The following RUVBL2 variants were observed in gnomAD, a reference collection of about 807,000 sequenced individuals.
The protein encoded by RUVBL2 is ruvB-like 2.
Under a neutral mutation model 57.9 loss-of-function variants are expected in RUVBL2, and 9 were observed. That is an observed-to-expected ratio of 0.16 (90% CI 0.09 to 0.27). RUVBL2 has a LOEUF of 0.27. RUVBL2 is among the 10% of genes least tolerant of loss of function. RUVBL2 has a pLI of 1.00. For synonymous variants in RUVBL2, 278 were observed against 264.6 expected (o/e 1.05, Z -0.49); for missense variants, 456 against 669.6 (o/e 0.68, Z 3.52).
At position 49,014,841 on chromosome 19, in the gene RUVBL2, G is replaced by A. The variant is rs537460475; in HGVS notation, c.1122-180G>A. On this transcript the variant is annotated intron_variant, in intron 12 of 14. Transcript: ENST00000595090. ...GCCCTGGGGGTGGTCAGGAGGCCTC[G>A]GTTTTAGGTCCAGCCCAGCCCCTGT... Among the ~76,000 whole-genome samples the A allele has an allele frequency of 7.9e-5, 12 of 152,294 alleles. No individual in the cohort carries two copies. The East Asian group carries it at 1.4e-3, about 17-fold the overall frequency.
intron 6 of RUVBL2, among the ~76,000 whole-genome samples, chr19:49,008,431 G>A (rs1006582585): frequency 3.3e-5 from 5 of 149,556 alleles, no homozygotes; most frequent in Non-Finnish European, 7.5e-5. Context: ...TAGTAGAGAC[G>A]GGGTTTCACT....
At chr19:49,006,528 G>T (rs2039284242) in intron 4 of RUVBL2, among the ~76,000 whole-genome samples, 1 of 152,224 alleles carries the variant, frequency 6.6e-6, no homozygotes, top group African/African-American at 2.4e-5. Flanking sequence ...TTAGACAGAG[G>T]GGGAGACTGA....
At chr19:48,993,491 G>C, upstream of RUVBL2, 1 of 428,298 alleles carries the variant, frequency 2.3e-6, no homozygotes. Context: ...AGGGGGCGGA[G>C]CTTGCCGCTG....
At position 49,011,001 on chromosome 19, in the gene RUVBL2, G is replaced by T; in HGVS notation, c.790G>T (p.Asp264Tyr). Residue 264 changes from aspartate (D) to tyrosine (Y), a missense_variant and splice_region_variant, in exon 10 of 15, where the codon GAC becomes TAC. Physicochemically the swap from Asp to Tyr is radical, Grantham distance 160 (BLOSUM62 -3). This residue lies in a region of RUVBL2 where 130 missense variants were observed against 243.0 expected (regional missense o/e 0.53). Coordinates refer to ENST00000595090, the MANE Select transcript of RUVBL2 (RefSeq NM_006666.3). This position sits in a 1 kb window ranked among gnomAD's most constrained non-coding sequence, Gnocchi z 4.4. The part of the protein sequence containing the change: ...TQGFLALFSG[D>Y]TGEIKSEVRE... ...GATGCAACCTGTGCCTCCCATAGGT[G>T]ACACAGGGGAGATCAAGTCAGAAGT... The T allele has an allele frequency of 6.2e-7, 1 of 1,611,634 alleles. No homozygotes were observed. Among genetic ancestry groups the T allele is most frequent in the South Asian group, 1.1e-5 (1 of 90,048 alleles).
chr19:48,996,100 A>G (rs1226336054), intron 1 of RUVBL2, among the ~76,000 whole-genome samples: 2 of 151,274 alleles, frequency 1.3e-5, no homozygotes, highest in Non-Finnish European at 2.9e-5. Flanking sequence ...TGAGCCTGGG[A>G]GGTGGAGGCC....
At position 49,011,375 on chromosome 19, in the gene RUVBL2, G is replaced by A. The variant is rs2039425120; in HGVS notation, c.1001+65G>A. 4 of 1,280,170 alleles carry A rather than the reference G, an allele frequency of 3.1e-6. No individual in the cohort carries two copies. In the African/African-American group the frequency reaches 5.8e-5, roughly 19 times the overall value. 79.3% of individuals were successfully genotyped at this position (1,280,170 alleles called of 1,614,324 possible). ...TCTGGGCAGTGGGTGTGGTCAGAGGGTCAATGGGAGCCTGTGTTGACACCG... is the reference window on the plus strand; with the variant it reads ...TCTGGGCAGTGGGTGTGGTCAGAGGATCAATGGGAGCCTGTGTTGACACCG... On this transcript the variant is annotated intron_variant, in intron 11 of 14. Transcript: ENST00000595090. The surrounding 1 kb of genome is among the most constrained non-coding windows in gnomAD (Gnocchi z 4.4).
chr19:49,011,322 A>G lies in RUVBL2; in HGVS notation c.1001+12A>G. On this transcript the variant is annotated intron_variant, in intron 11 of 14. Transcript: ENST00000595090. The surrounding 1 kb of genome is among the most constrained non-coding windows in gnomAD (Gnocchi z 4.4). Reference sequence around the variant, plus strand: ...CGTGGCATCACGCGGTGAGCCGGCTACAGGGGCCTCTGGGGAAAACAGGAT... The same window carrying G: ...CGTGGCATCACGCGGTGAGCCGGCTGCAGGGGCCTCTGGGGAAAACAGGAT... The G allele has an allele frequency of 6.2e-7, 1 of 1,606,624 alleles. No individual in the cohort carries two copies. Among genetic ancestry groups the G allele is most frequent in the Non-Finnish European group, 8.5e-7 (1 of 1,173,796 alleles).
chr19:49,004,116 A>AG (rs2039237330), intron 3 of RUVBL2, 161 bp from the exon 4 acceptor site: 5 of 68,956 alleles, frequency 7.3e-5, no homozygotes, highest in Admixed American at 3.9e-4. Context: ...ATCTTGTCTC[A>AG]AAAAAAAAAA....
chr19:49,012,843 C>CCACA (rs58302006), intron 11 of RUVBL2, among the ~76,000 whole-genome samples: 39,428 of 141,628 alleles, frequency 0.28, 5,836 homozygotes, highest in Admixed American at 0.36. Flanking sequence ...TCAGTGCCCA[C>CCACA]CACACACACA....
intron 6 of RUVBL2, 57 bp from the exon 7 acceptor site, chr19:49,009,719 C>T: frequency 6.8e-7 from 1 of 1,477,180 alleles, no homozygotes; most frequent in Non-Finnish European, 9.5e-7. Flanking sequence ...ACTGGGGGCA[C>T]TGGGGCAACA....
chr19:49,007,450 G>A (rs2039304509), intron 6 of RUVBL2, 82 bp downstream of exon 6: 1 of 1,267,926 alleles, frequency 7.9e-7, no homozygotes, highest in Non-Finnish European at 1.1e-6. Flanking sequence ...TCTGCACTGA[G>A]GTCAGAATCC....
At chr19:48,993,535 CAATCTGG>C, upstream of RUVBL2, 2 of 446,548 alleles carry the variant, frequency 4.5e-6, no homozygotes, top group Non-Finnish European at 8.3e-6. Flanking sequence ...TCAGCTCTGT[CAATCTGG>C]AGCTGGAGGC....
Position 48,999,214 on chromosome 19 carries a change from G to T in RUVBL2, c.13-105G>T, listed in dbSNP as rs2039127766. Reference sequence around the variant, plus strand: ...CTGGTGCCTGTCCCATCGCCTGCCTGTGAGGGGAAGGAGTGGAAAGGACCA... The same window carrying T: ...CTGGTGCCTGTCCCATCGCCTGCCTTTGAGGGGAAGGAGTGGAAAGGACCA... On this transcript the variant is annotated intron_variant, in intron 1 of 14. Coordinates refer to ENST00000595090, the MANE Select transcript of RUVBL2 (RefSeq NM_006666.3). 7 of 1,240,454 alleles carry T rather than the reference G, an allele frequency of 5.6e-6. No homozygotes were observed. The East Asian group carries it at 1.4e-4, about 25-fold the overall frequency. The allele number at this position is 1,240,454 out of a possible 1,614,324, so 76.8% of individuals were successfully genotyped here.
chr19:49,008,474 C>T (rs565512687), intron 6 of RUVBL2, among the ~76,000 whole-genome samples: 18 of 150,242 alleles, frequency 1.2e-4, no homozygotes, highest in East Asian at 3.9e-4. Flanking sequence ...GTGATCTGCC[C>T]GCCTCGGCCT....
At chr19:49,001,309 C>A (rs1305057017) in intron 2 of RUVBL2, 1 of 151,174 alleles carries the variant, frequency 6.6e-6, no homozygotes, top group Non-Finnish European at 1.5e-5. Context: ...CTACAGGCGC[C>A]CGCCACCATG....
In RUVBL2 at chr19:49,014,740, G is replaced by T. The variant is rs2287757; in HGVS notation, c.1121+137G>T. 3,341 of 1,252,570 alleles carry T rather than the reference G, an allele frequency of 2.7e-3. 64 individuals are homozygous for T. In the African/African-American group the frequency reaches 0.042, roughly 16 times the overall value. 77.6% of individuals were successfully genotyped at this position (1,252,570 alleles called of 1,614,324 possible). The stretch of plus-strand genomic sequence containing the variant: ...GAGAGGGCTGAGCGGGCACCCAGAC[G>T]GTGGCCTCCGATCCGGGAGCAGGAG... On this transcript the variant is annotated intron_variant, in intron 12 of 14. Transcript: ENST00000595090.
At position 48,996,433 on chromosome 19, in the gene RUVBL2, C is replaced by T. The variant is rs528472829; in HGVS notation, c.12+2510C>T. On this transcript the variant is annotated intron_variant, in intron 1 of 14. Coordinates refer to ENST00000595090, the MANE Select transcript of RUVBL2 (RefSeq NM_006666.3). ...GCCTCTCTCCCATGTTCAAATGATC[C>T]TCCTGCCTCAGCCTCCTGAGTAGCT... is the stretch of plus-strand genomic sequence containing the variant. Among the ~76,000 whole-genome samples the T allele has an allele frequency of 5.3e-5, 8 of 150,996 alleles. No homozygotes were observed. In the South Asian group the frequency reaches 1.3e-3, roughly 24 times the overall value.
At chr19:48,998,189 C>T (rs923423804) in intron 1 of RUVBL2, among the ~76,000 whole-genome samples, 3 of 152,176 alleles carry the variant, frequency 2.0e-5, no homozygotes, top group Non-Finnish European at 4.4e-5. Context: ...ACAGAAAGGG[C>T]CTCCCCTAGG....
chr19:49,015,192 T>C (rs1280936302), intron 13 of RUVBL2, 42 bp downstream of exon 13: 2 of 1,591,348 alleles, frequency 1.3e-6, no homozygotes, highest in Non-Finnish European at 1.7e-6. Context: ...ATGGCGGCAG[T>C]GAGTGACACA....
Sources: allele counts gnomAD v4.1 joint callset (sites outside exome capture counted in the v4.1 genomes callset), GRCh38; gene constraint gnomAD v4.1.1; regional missense constraint gnomAD v4.1.1; non-coding constraint Gnocchi (gnomAD v3.1); transcripts MANE v1.5; gene names NCBI Gene and HGNC (gene_info 2026-07-23, HGNC 2026-07-21).